The following SLC2A13 variants were observed in gnomAD, a reference collection of about 807,000 sequenced individuals.
SLC2A13 encodes proton myo-inositol cotransporter.
A neutral mutation model predicts 64.4 loss-of-function variants in SLC2A13; 32 were observed. The ratio of observed to expected loss-of-function variants is 0.50; its 90% CI spans 0.37 to 0.67. The LOEUF (loss-of-function observed/expected upper bound fraction) is 0.67, where lower values mean the gene tolerates loss of function less well. SLC2A13 is among the 30% of genes least tolerant of loss of function. The probability of loss-of-function intolerance (pLI) is 0.00; values close to 1 mark genes in which losing one functional copy is unlikely to be tolerated. For synonymous variants in SLC2A13, 338 were observed against 327.1 expected (o/e 1.03, Z -0.36); for missense variants, 743 against 829.2 (o/e 0.90, Z 1.28).
intron 6 of SLC2A13, among the ~76,000 whole-genome samples, chr12:39,861,874 TA>T (rs1490211746): frequency 6.6e-6 from 1 of 151,998 alleles, no homozygotes; most frequent in African/African-American, 2.4e-5. Flanking sequence ...TGTTTTTTTT[TA>T]AATTTAATTT....
At chr12:39,857,005 C>A (rs1943626492) in intron 6 of SLC2A13, among the ~76,000 whole-genome samples, 1 of 152,140 alleles carries the variant, frequency 6.6e-6, no homozygotes, top group Non-Finnish European at 1.5e-5. Flanking sequence ...TTTGTTTATG[C>A]AGATGCTATT....
chr12:39,993,732 T>C (rs1947177911), intron 3 of SLC2A13, among the ~76,000 whole-genome samples: 1 of 152,240 alleles, frequency 6.6e-6, no homozygotes, highest in Non-Finnish European at 1.5e-5. Flanking sequence ...CATTAATTGA[T>C]ATAAAAGTGT....
intron 7 of SLC2A13, chr12:39,819,772 C>T (rs1437881427): frequency 6.6e-6 from 1 of 152,440 alleles, no homozygotes; most frequent in African/African-American, 2.4e-5. Flanking sequence ...TTTCTGAATA[C>T]ATTTAAAAGG....
intron 1 of SLC2A13, among the ~76,000 whole-genome samples, chr12:40,077,902 T>C (rs562910384): frequency 6.6e-6 from 1 of 152,326 alleles, no homozygotes; most frequent in East Asian, 1.9e-4. Context: ...TATTTTATTA[T>C]TTTTGTGGCT....
intron 7 of SLC2A13, 48 bp from the exon 8 acceptor site, chr12:39,764,906 G>A: frequency 1.3e-6 from 2 of 1,582,860 alleles, no homozygotes; most frequent in Non-Finnish European, 8.6e-7. Context: ...TTTGACTACA[G>A]TTGCAGAAAT....
intron 4 of SLC2A13, among the ~76,000 whole-genome samples, chr12:39,929,526 G>C (rs1945786136): frequency 6.6e-6 from 1 of 151,800 alleles, no homozygotes; most frequent in Non-Finnish European, 1.5e-5. Flanking sequence ...ACTCCAGCCT[G>C]GGCGACAGAG....
chr12:40,062,767 T>C (rs1175209668), intron 1 of SLC2A13, among the ~76,000 whole-genome samples: 2 of 152,080 alleles, frequency 1.3e-5, no homozygotes, highest in Non-Finnish European at 2.9e-5. Context: ...TCTTCGAGGG[T>C]GACATTAACA....
chr12:39,793,059 T>TA (rs1277834991), intron 7 of SLC2A13, among the ~76,000 whole-genome samples: 1 of 152,164 alleles, frequency 6.6e-6, no homozygotes, highest in Non-Finnish European at 1.5e-5. Context: ...TATTGTCTAT[T>TA]AAAAGTCTTA....
At chr12:40,047,184 G>A (rs1306654956) in intron 2 of SLC2A13, among the ~76,000 whole-genome samples, 3 of 152,112 alleles carry the variant, frequency 2.0e-5, no homozygotes, top group Non-Finnish European at 4.4e-5. Flanking sequence ...TTACAGGCGT[G>A]AGCCACCACA....
chr12:40,017,157 C>T (rs1196480186), intron 3 of SLC2A13, among the ~76,000 whole-genome samples: 1 of 152,196 alleles, frequency 6.6e-6, no homozygotes, highest in Non-Finnish European at 1.5e-5. Context: ...CCATCCACTC[C>T]TCTCACGTAA....
At chr12:40,081,001 T>C (rs1377639681) in intron 1 of SLC2A13, among the ~76,000 whole-genome samples, 1 of 152,220 alleles carries the variant, frequency 6.6e-6, no homozygotes, top group African/African-American at 2.4e-5. Flanking sequence ...TGAAATTTCT[T>C]TTCTTTAAGG....
intron 7 of SLC2A13, among the ~76,000 whole-genome samples, chr12:39,801,115 A>G (rs1447486749): frequency 4.4e-5 from 3 of 67,534 alleles, no homozygotes; most frequent in Non-Finnish European, 8.6e-5. Flanking sequence ...GGGAGGGGGG[A>G]GGGATAGCAT....
intron 4 of SLC2A13, among the ~76,000 whole-genome samples, chr12:39,944,240 T>C (rs1008021129): frequency 6.6e-6 from 1 of 152,248 alleles, no homozygotes; most frequent in Non-Finnish European, 1.5e-5. Context: ...CTTAAACTTA[T>C]TGAGGCTCAT....
At chr12:39,919,942 A>T (rs367939816) in intron 4 of SLC2A13, among the ~76,000 whole-genome samples, 1 of 151,832 alleles carries the variant, frequency 6.6e-6, no homozygotes, top group Non-Finnish European at 1.5e-5. Flanking sequence ...TTTTTTTTGT[A>T]AACAACTCTT....
At chr12:39,831,932 C>G (rs1446736035) in intron 6 of SLC2A13, among the ~76,000 whole-genome samples, 3 of 152,094 alleles carry the variant, frequency 2.0e-5, no homozygotes, top group African/African-American at 7.2e-5. Context: ...ATAAATTGCC[C>G]AGTCTCAGGT....
intron 6 of SLC2A13, among the ~76,000 whole-genome samples, chr12:39,846,298 C>G (rs1943311877): frequency 6.6e-6 from 1 of 152,078 alleles, no homozygotes; most frequent in South Asian, 2.1e-4. Flanking sequence ...GTACATTACA[C>G]CCTCCCTTGG....
chr12:40,022,574 T>G (rs1432385629), intron 3 of SLC2A13, among the ~76,000 whole-genome samples: 3 of 152,230 alleles, frequency 2.0e-5, no homozygotes, highest in Non-Finnish European at 4.4e-5. Flanking sequence ...TTGTGGCTCA[T>G]GCCTGTAATC....
intron 4 of SLC2A13, chr12:39,950,688 C>T (rs889600560): frequency 6.6e-6 from 1 of 152,220 alleles, no homozygotes; most frequent in Non-Finnish European, 1.5e-5. Context: ...ATATTTAGTC[C>T]TTCCCACCCT....
chr12:39,947,520 A>T (rs1158756906), intron 4 of SLC2A13, among the ~76,000 whole-genome samples: 1 of 152,170 alleles, frequency 6.6e-6, no homozygotes, highest in Non-Finnish European at 1.5e-5. Flanking sequence ...AAACATGAAC[A>T]CATGTATTTA....
Sources: allele counts gnomAD v4.1 joint callset (sites outside exome capture counted in the v4.1 genomes callset), GRCh38; gene constraint gnomAD v4.1.1; transcripts MANE v1.5; gene names NCBI Gene and HGNC (gene_info 2026-07-23, HGNC 2026-07-21).